Variants in DOP1B observed in about 807,000 individuals in gnomAD.
DOP1B encodes the protein protein DOP1B.
A neutral mutation model predicts 233.5 loss-of-function variants in DOP1B; 174 were observed. The ratio of observed to expected loss-of-function variants is 0.75; its 90% CI spans 0.66 to 0.85. The LOEUF (loss-of-function observed/expected upper bound fraction) is 0.85. Ranked by LOEUF, DOP1B falls within the 40% of genes least tolerant of loss-of-function variation. The pLI, the probability that DOP1B is intolerant of heterozygous loss-of-function variation, is 0.00. For missense variants in DOP1B, 2,652 were observed against 2,846.6 expected (o/e 0.93, Z 1.56); for synonymous variants, 1,190 against 1,185.6 (o/e 1.00, Z -0.08).
chr21:36,219,273 C>G lies in DOP1B; in HGVS notation c.1130-99C>G, dbSNP rs1601420976. 4.2e-6 allele frequency: 6 copies of G among 1,433,422 alleles called. No homozygotes were observed. In the East Asian group the frequency reaches 1.4e-4, roughly 33 times the overall value. 88.8% of individuals were successfully genotyped at this position (1,433,422 alleles called of 1,614,324 possible). ...AGACTATATAAAATGTCTGTCTGCA[C>G]AGGTTTACTGTATATATGTCTTATG... On this transcript the variant is annotated intron_variant, in intron 9 of 36. Transcript: ENST00000691173.
chr21:36,177,627 G>A (rs553415221), intron 2 of DOP1B, among the ~76,000 whole-genome samples: 30 of 152,238 alleles, frequency 2.0e-4, no homozygotes, highest in African/African-American at 5.1e-4. Flanking sequence ...TGAGTTACTC[G>A]ACGTATGGAT....
chr21:36,288,043 C>G lies in DOP1B; in HGVS notation c.6190C>G (p.Gln2064Glu). ...ERLTDNLRVG[Q>E]TSIVAAQMFL... The stretch of plus-strand genomic sequence containing the variant: ...CCTGACAGACAATCTCAGAGTTGGA[C>G]AGACATCCATAGTTGCTGCTCAGAT... The change falls in exon 33 of 37, where the codon CAG becomes GAG. Residue 2064 changes from glutamine (Q) to glutamate (E), a missense_variant. By Grantham distance (29) the Gln-to-Glu change is conservative (BLOSUM62 2). Coordinates refer to ENST00000691173, the MANE Select transcript of DOP1B (RefSeq NM_001320714.2). The G allele has an allele frequency of 1.2e-6, 2 of 1,613,988 alleles. No homozygotes were observed. Among genetic ancestry groups the G allele is most frequent in the Middle Eastern group, 3.3e-4 (2 of 6,062 alleles).
chr21:36,273,839 G>C (rs1163815500), intron 27 of DOP1B, among the ~76,000 whole-genome samples: 2 of 152,078 alleles, frequency 1.3e-5, no homozygotes, highest in Admixed American at 6.6e-5. Flanking sequence ...ACTTTGGGAG[G>C]CCGAGGCGGG....
Position 36,245,510 on chromosome 21 carries a change from G to T in DOP1B, c.3530G>T (p.Ser1177Ile), listed in dbSNP as rs769865751. The T allele has an allele frequency of 6.2e-7, 1 of 1,613,588 alleles. No individual in the cohort carries two copies. Among genetic ancestry groups the T allele is most frequent in the Non-Finnish European group, 8.5e-7 (1 of 1,180,038 alleles). ...SESFKAGAKL[S>I]LVRVDSDKTQ... Reference sequence around the variant, plus strand: ...AGCTTCAAGGCTGGGGCCAAGTTAAGCCTGGTGCGGGTGGACTCGGACAAG... The same window carrying T: ...AGCTTCAAGGCTGGGGCCAAGTTAATCCTGGTGCGGGTGGACTCGGACAAG... The change falls in exon 19 of 37, where the codon AGC becomes ATC. Residue 1177 changes from serine (S) to isoleucine (I), a missense_variant. Physicochemically the swap from Ser to Ile is moderately radical, Grantham distance 142. Transcript: ENST00000691173. The surrounding 1 kb of genome is among the most constrained non-coding windows in gnomAD (Gnocchi z 5.5).
chr21:36,277,528 A>C (rs2067366243), intron 28 of DOP1B, among the ~76,000 whole-genome samples: 1 of 151,822 alleles, frequency 6.6e-6, no homozygotes, highest in Non-Finnish European at 1.5e-5. Flanking sequence ...TGATCCACCC[A>C]CCTTGGCCTC....
chr21:36,256,804 A>G (rs1185700267), intron 23 of DOP1B, among the ~76,000 whole-genome samples: 1 of 152,048 alleles, frequency 6.6e-6, no homozygotes, highest in Non-Finnish European at 1.5e-5. Context: ...ACAACATAAC[A>G]ATCAACACAG....
intron 2 of DOP1B, among the ~76,000 whole-genome samples, chr21:36,192,211 C>A (rs1299590582): frequency 6.6e-6 from 1 of 151,874 alleles, no homozygotes; most frequent in Non-Finnish European, 1.5e-5. Flanking sequence ...ATATAGAAAT[C>A]AGCCAGGCGT....
At chr21:36,207,663 C>T (rs2268296) in intron 4 of DOP1B, among the ~76,000 whole-genome samples, 24,096 of 152,020 alleles carry the variant, frequency 0.16, 1,997 homozygotes, top group South Asian at 0.21. Context: ...GATCTGGACA[C>T]GGGAGGGCCA....
intron 27 of DOP1B, among the ~76,000 whole-genome samples, chr21:36,274,369 A>G (rs1056181279): frequency 2.6e-5 from 4 of 152,208 alleles, no homozygotes; most frequent in African/African-American, 9.6e-5. Flanking sequence ...TATTTTAGAA[A>G]ATGCAGCCAA....
chr21:36,211,737 C>T, intron 6 of DOP1B, 86 bp downstream of exon 6: 1 of 1,427,990 alleles, frequency 7.0e-7, no homozygotes, highest in Middle Eastern at 1.8e-4. Context: ...CGTACGAGGA[C>T]AGCTCAGCCA....
chr21:36,220,265 C>T (rs771064191), intron 10 of DOP1B, among the ~76,000 whole-genome samples: 5 of 152,040 alleles, frequency 3.3e-5, no homozygotes, highest in African/African-American at 9.7e-5. Flanking sequence ...AGAATGAAAG[C>T]GGTTTATTGT....
intron 1 of DOP1B, among the ~76,000 whole-genome samples, chr21:36,159,010 T>A (rs913395203): frequency 3.3e-5 from 5 of 151,466 alleles, no homozygotes; most frequent in African/African-American, 9.7e-5. Context: ...CGGGCACCTG[T>A]AATCCCAGCT....
intron 1 of DOP1B, among the ~76,000 whole-genome samples, chr21:36,157,533 A>AGTG (rs2065830913): frequency 6.6e-6 from 1 of 152,186 alleles, no homozygotes; most frequent in Admixed American, 6.5e-5. Context: ...TGTTACCCGC[A>AGTG]GTGTTGCCTT....
intron 1 of DOP1B, among the ~76,000 whole-genome samples, chr21:36,159,297 C>A (rs550082429): frequency 1.5e-3 from 233 of 150,838 alleles, no homozygotes; most frequent in African/African-American, 5.4e-3. Context: ...ACTAAAAATA[C>A]AAAATTAGCC....
At chr21:36,180,823 A>G (rs1258528991) in intron 2 of DOP1B, among the ~76,000 whole-genome samples, 4 of 151,980 alleles carry the variant, frequency 2.6e-5, no homozygotes, top group Non-Finnish European at 2.9e-5. Context: ...GGAGGTTGCA[A>G]TGAGCCGAGA....
intron 9 of DOP1B, among the ~76,000 whole-genome samples, chr21:36,217,834 G>A (rs2066578168): frequency 6.6e-6 from 1 of 152,230 alleles, no homozygotes. Context: ...AGCTTGCTGT[G>A]TAACTTCAGG....
intron 1 of DOP1B, among the ~76,000 whole-genome samples, chr21:36,159,723 C>T (rs1254789963): frequency 1.3e-5 from 2 of 152,184 alleles, no homozygotes; most frequent in African/African-American, 4.8e-5. Context: ...GCCACCCCAC[C>T]TTCTAAATAC....
intron 19 of DOP1B, among the ~76,000 whole-genome samples, chr21:36,247,142 A>T (rs1283981561): frequency 6.6e-6 from 1 of 152,132 alleles, no homozygotes; most frequent in African/African-American, 2.4e-5. Context: ...GGCCTCCCAA[A>T]GTGCTGGGGT....
chr21:36,213,542 G>A (rs889617833), intron 7 of DOP1B, among the ~76,000 whole-genome samples: 1 of 151,728 alleles, frequency 6.6e-6, no homozygotes, highest in African/African-American at 2.4e-5. Context: ...TGTAATCCCA[G>A]CACTTTGGGA....
Sources: allele counts gnomAD v4.1 joint callset (sites outside exome capture counted in the v4.1 genomes callset), GRCh38; gene constraint gnomAD v4.1.1; non-coding constraint Gnocchi (gnomAD v3.1); transcripts MANE v1.5; gene names NCBI Gene and HGNC (gene_info 2026-07-23, HGNC 2026-07-21).